Variants in MANBA observed in about 807,000 individuals in gnomAD.
MANBA encodes the protein mannosidase beta.
In MANBA, 83 loss-of-function variants were observed where a neutral mutation model predicts 111.1. The ratio of observed to expected loss-of-function variants is 0.75; its 90% CI spans 0.63 to 0.90. The LOEUF (loss-of-function observed/expected upper bound fraction) is 0.90. Ranked by LOEUF, MANBA falls within the 40% of genes least tolerant of loss-of-function variation. The probability of loss-of-function intolerance (pLI) is 0.00; values close to 1 mark genes in which losing one functional copy is unlikely to be tolerated. For missense variants in MANBA, 1,036 were observed against 1,069.0 expected (o/e 0.97, Z 0.43); for synonymous variants, 370 against 378.7 (o/e 0.98, Z 0.27).
At chr4:102,659,579 T>A (rs1730828511) in intron 11 of MANBA, among the ~76,000 whole-genome samples, 1 of 152,156 alleles carries the variant, frequency 6.6e-6, no homozygotes, top group South Asian at 2.1e-4. Flanking sequence ...CCTTTTCCCT[T>A]AGCTTCCTTA....
chr4:102,704,620 T>A (rs1002473273), intron 5 of MANBA, among the ~76,000 whole-genome samples: 3 of 152,144 alleles, frequency 2.0e-5, no homozygotes, highest in Middle Eastern at 3.2e-3. Flanking sequence ...CCTCATAGTA[T>A]ATACCAAATA....
At chr4:102,666,205 T>G (rs536516914) in intron 10 of MANBA, 2 of 152,366 alleles carry the variant, frequency 1.3e-5, no homozygotes, top group East Asian at 3.9e-4. Context: ...AAACTTTGCA[T>G]GCAATGGCTC....
chr4:102,736,536 G>A (rs751821608), intron 1 of MANBA, among the ~76,000 whole-genome samples: 4 of 152,120 alleles, frequency 2.6e-5, no homozygotes, highest in Admixed American at 1.3e-4. Flanking sequence ...CAATTACTTC[G>A]AATAGAATTA....
intron 11 of MANBA, 147 bp downstream of exon 11, chr4:102,664,538 G>T (rs1212774642): frequency 6.1e-6 from 4 of 656,286 alleles, no homozygotes; most frequent in Non-Finnish European, 1.1e-5. Context: ...TTTTAGTAGA[G>T]ACGGGGTTTC....
intron 13 of MANBA, among the ~76,000 whole-genome samples, chr4:102,642,404 G>A (rs1729916225): frequency 6.6e-6 from 1 of 152,140 alleles, no homozygotes; most frequent in African/African-American, 2.4e-5. Context: ...TCAGGAGATG[G>A]AGATCATCCT....
At chr4:102,647,599 A>G (rs1730158042) in intron 13 of MANBA, among the ~76,000 whole-genome samples, 1 of 152,068 alleles carries the variant, frequency 6.6e-6, no homozygotes, top group Admixed American at 6.6e-5. Flanking sequence ...CCTATTTTAT[A>G]TGTCAGAACA....
chr4:102,704,106 ACC>A (rs771884125), intron 5 of MANBA, among the ~76,000 whole-genome samples: 12 of 149,040 alleles, frequency 8.1e-5, no homozygotes, highest in African/African-American at 1.5e-4. Context: ...AAAAAAAAAA[ACC>A]AAAAAATTTG....
At chr4:102,701,964 T>A (rs1398118090) in intron 5 of MANBA, among the ~76,000 whole-genome samples, 1 of 152,094 alleles carries the variant, frequency 6.6e-6, no homozygotes, top group Non-Finnish European at 1.5e-5. Context: ...TTTTCCAACT[T>A]GGTTCCATTC....
intron 5 of MANBA, among the ~76,000 whole-genome samples, chr4:102,701,837 C>G (rs1733064612): frequency 6.6e-6 from 1 of 150,638 alleles, no homozygotes; most frequent in Admixed American, 6.6e-5. Flanking sequence ...AATTATGTGT[C>G]TTGGAGTTGC....
At chr4:102,721,802 C>A (rs1439002119) in intron 4 of MANBA, among the ~76,000 whole-genome samples, 1 of 151,872 alleles carries the variant, frequency 6.6e-6, no homozygotes, top group African/African-American at 2.4e-5. Flanking sequence ...CCAAAGTGGG[C>A]AGATTGCTTG....
At chr4:102,748,861 C>T (rs550945702) in intron 1 of MANBA, among the ~76,000 whole-genome samples, 3 of 151,696 alleles carry the variant, frequency 2.0e-5, no homozygotes, top group East Asian at 1.9e-4. Context: ...TGCAGTGAGG[C>T]GAGATCGTGC....
At chr4:102,648,135 A>T (rs1016932991) in intron 13 of MANBA, among the ~76,000 whole-genome samples, 2 of 152,114 alleles carry the variant, frequency 1.3e-5, no homozygotes, top group African/African-American at 4.8e-5. Context: ...CAAATGAAAA[A>T]AGTAAAATGA....
At chr4:102,676,395 G>A (rs1429394397) in intron 7 of MANBA, among the ~76,000 whole-genome samples, 1 of 151,958 alleles carries the variant, frequency 6.6e-6, no homozygotes, top group East Asian at 1.9e-4. Context: ...ATCTTACAGG[G>A]TTAGTTATGC....
chr4:102,686,901 T>G (rs1335372816), intron 7 of MANBA, among the ~76,000 whole-genome samples: 1 of 152,162 alleles, frequency 6.6e-6, no homozygotes, highest in Non-Finnish European at 1.5e-5. Context: ...AACTTACACA[T>G]CTATATCCTT....
intron 1 of MANBA, among the ~76,000 whole-genome samples, chr4:102,748,032 C>T (rs1723648991): frequency 6.6e-6 from 1 of 152,194 alleles, no homozygotes; most frequent in Non-Finnish European, 1.5e-5. Context: ...GAGGAGATCA[C>T]ACTTGCTCAG....
chr4:102,656,338 A>C (rs1560751712), intron 12 of MANBA, among the ~76,000 whole-genome samples: 1 of 152,214 alleles, frequency 6.6e-6, no homozygotes, highest in Non-Finnish European at 1.5e-5. Context: ...ACGTGAAAAA[A>C]AAATGCTCAA....
chr4:102,725,228 G>A (rs1304338800), intron 2 of MANBA, among the ~76,000 whole-genome samples: 1 of 152,122 alleles, frequency 6.6e-6, no homozygotes, highest in Non-Finnish European at 1.5e-5. Flanking sequence ...TACCTTAAAT[G>A]ACTGAATTGT....
chr4:102,714,599 T>C, intron 4 of MANBA, 38 bp from the exon 5 acceptor site: 1 of 1,584,324 alleles, frequency 6.3e-7, no homozygotes, highest in Non-Finnish European at 8.7e-7. Flanking sequence ...ATATTCTGAT[T>C]ATGGTGAAAT....
chr4:102,749,027 C>T (rs80208033), intron 1 of MANBA, among the ~76,000 whole-genome samples: 2,700 of 151,040 alleles, frequency 0.018, 74 homozygotes, highest in African/African-American at 0.055. Flanking sequence ...AGGTTGATAG[C>T]GGTAGAAATG....
Sources: allele counts gnomAD v4.1 joint callset (sites outside exome capture counted in the v4.1 genomes callset), GRCh38; gene constraint gnomAD v4.1.1; transcripts MANE v1.5; gene names NCBI Gene and HGNC (gene_info 2026-07-23, HGNC 2026-07-21).